Variants in NOL10 observed in about 807,000 individuals in gnomAD.
NOL10 encodes nucleolar protein 10.
A neutral mutation model predicts 103.5 loss-of-function variants in NOL10; 58 were observed. The ratio of observed to expected loss-of-function variants is 0.56; its 90% CI spans 0.45 to 0.70. The LOEUF (loss-of-function observed/expected upper bound fraction) is 0.70, where lower values mean the gene tolerates loss of function less well. Ranked by LOEUF, NOL10 falls within the 30% of genes least tolerant of loss-of-function variation. The pLI, the probability that NOL10 is intolerant of heterozygous loss-of-function variation, is 0.00. For synonymous variants in NOL10, 287 were observed against 282.5 expected (o/e 1.02, Z -0.16); for missense variants, 763 against 807.3 (o/e 0.95, Z 0.67).
chr2:10,576,680 A>C (rs1674468526), intron 20 of NOL10, among the ~76,000 whole-genome samples: 1 of 152,192 alleles, frequency 6.6e-6, no homozygotes. Context: ...TGGAGACAGG[A>C]AGTAGATTAG....
At chr2:10,612,424 C>T (rs1445429140) in intron 13 of NOL10, among the ~76,000 whole-genome samples, 3 of 152,208 alleles carry the variant, frequency 2.0e-5, no homozygotes, top group African/African-American at 4.8e-5. Flanking sequence ...CATTATCTAA[C>T]GTACTATTAA....
chr2:10,657,694 G>A (rs1195931454), intron 11 of NOL10, 48 bp downstream of exon 11: 1 of 1,486,920 alleles, frequency 6.7e-7, no homozygotes. Flanking sequence ...GGATCATTCG[G>A]AACACCTGCA....
chr2:10,603,810 C>T (rs1428595042), intron 14 of NOL10, among the ~76,000 whole-genome samples: 1 of 152,148 alleles, frequency 6.6e-6, no homozygotes, highest in East Asian at 1.9e-4. Flanking sequence ...CTGGTGGTCA[C>T]ATAAGAATGC....
intron 13 of NOL10, among the ~76,000 whole-genome samples, chr2:10,629,222 G>C (rs1187963770): frequency 6.6e-6 from 1 of 150,478 alleles, no homozygotes; most frequent in Admixed American, 6.7e-5. Flanking sequence ...AATCCAATCA[G>C]TAGCCACTAA....
At chr2:10,611,838 C>G (rs1472648094) in intron 13 of NOL10, among the ~76,000 whole-genome samples, 1 of 152,162 alleles carries the variant, frequency 6.6e-6, no homozygotes, top group Non-Finnish European at 1.5e-5. Flanking sequence ...TCGCTTGAAC[C>G]CGGGAGGTGG....
At chr2:10,584,949 A>G (rs1179591357) in intron 19 of NOL10, among the ~76,000 whole-genome samples, 1 of 152,172 alleles carries the variant, frequency 6.6e-6, no homozygotes, top group Admixed American at 6.5e-5. Context: ...GAAGAATGTT[A>G]GAGAGATTAG....
chr2:10,680,368 A>AGAGGGAGAGGGAGAG, intron 3 of NOL10, among the ~76,000 whole-genome samples: 1 of 110,632 alleles, frequency 9.0e-6, no homozygotes, highest in Non-Finnish European at 1.9e-5. Flanking sequence ...GAGAGGGAGA[A>AGAGGGAGAGGGAGAG]GAGGGAGAGG....
At chr2:10,640,695 C>T (rs1262681920) in intron 13 of NOL10, among the ~76,000 whole-genome samples, 1 of 152,156 alleles carries the variant, frequency 6.6e-6, no homozygotes, top group Non-Finnish European at 1.5e-5. Flanking sequence ...GTCACCATTA[C>T]TTGGAACAAA....
chr2:10,595,946 T>A (rs1341127117), intron 17 of NOL10, among the ~76,000 whole-genome samples: 1 of 152,144 alleles, frequency 6.6e-6, no homozygotes, highest in African/African-American at 2.4e-5. Flanking sequence ...TTTTTAAAAC[T>A]ATGCATGTAT....
chr2:10,591,525 T>A (rs1364977831), intron 17 of NOL10, among the ~76,000 whole-genome samples: 1 of 151,986 alleles, frequency 6.6e-6, no homozygotes, highest in Non-Finnish European at 1.5e-5. Context: ...TTTGATTGGG[T>A]CATACTGTAA....
In NOL10 at chr2:10,612,464, T is replaced by C. The variant is rs563740583; in HGVS notation, c.1027-5153A>G. On this transcript the variant is annotated intron_variant, in intron 13 of 20. Transcript: ENST00000381685. ...ACAAATAAGAAAATAATTGATAACA[T>C]AGAACAGCCATTAAATTTGAAATTA... is the stretch of plus-strand genomic sequence containing the variant. Among the ~76,000 whole-genome samples, 57 of 152,238 alleles carry C rather than the reference T, an allele frequency of 3.7e-4. 1 individual carries two copies. Among genetic ancestry groups the C allele is most frequent in the African/African-American group, 1.3e-3 (53 of 41,552 alleles).
rs935734180 is a variant in NOL10, at chr2:10,631,277, T to C, written c.1026+13043A>G. On this transcript the variant is annotated intron_variant, in intron 13 of 20. Transcript: ENST00000381685. ...TCAGCTGGACCAATCGTGGTCCTGATTCAAACCCAAATCTTAGGGAATGAC... is the reference window on the plus strand; with the variant it reads ...TCAGCTGGACCAATCGTGGTCCTGACTCAAACCCAAATCTTAGGGAATGAC... Among the ~76,000 whole-genome samples, 8 of 152,324 alleles carry C rather than the reference T, an allele frequency of 5.3e-5. No homozygotes were observed. In the South Asian group the frequency reaches 1.7e-3, roughly 32 times the overall value.
At chr2:10,666,615 C>A (rs764420110) in intron 8 of NOL10, among the ~76,000 whole-genome samples, 13 of 151,956 alleles carry the variant, frequency 8.6e-5, no homozygotes, top group African/African-American at 1.2e-4. Context: ...TGAGCCACTG[C>A]GCCTGGCCTG....
At chr2:10,590,899 G>A (rs1394319461) in intron 17 of NOL10, 1 of 152,194 alleles carries the variant, frequency 6.6e-6, no homozygotes, top group Non-Finnish European at 1.5e-5. Context: ...GTCAATCAGA[G>A]TAAACAGCCC....
intron 13 of NOL10, among the ~76,000 whole-genome samples, chr2:10,619,526 A>C (rs551938589): frequency 2.2e-3 from 335 of 152,332 alleles, no homozygotes; most frequent in African/African-American, 7.7e-3. Context: ...TATCTGTTAA[A>C]GTTCTCTTTT....
intron 12 of NOL10, among the ~76,000 whole-genome samples, chr2:10,645,703 T>C (rs904963439): frequency 6.6e-6 from 1 of 151,984 alleles, no homozygotes; most frequent in East Asian, 1.9e-4. Context: ...GCTAATTTTT[T>C]GTATTTTTAG....
At chr2:10,654,370 A>G (rs1679680880) in intron 12 of NOL10, 111 bp downstream of exon 12, 1 of 723,840 alleles carries the variant, frequency 1.4e-6, no homozygotes, top group Non-Finnish European at 2.3e-6. Flanking sequence ...TAAGAAATAA[A>G]ATGGGTTTAA....
intron 13 of NOL10, among the ~76,000 whole-genome samples, chr2:10,637,482 C>A (rs879670732): frequency 2.0e-5 from 3 of 152,138 alleles, no homozygotes; most frequent in Non-Finnish European, 4.4e-5. Flanking sequence ...AGATGTCTGC[C>A]CTAGCCCAGT....
intron 13 of NOL10, 50 bp downstream of exon 13, chr2:10,644,270 G>C (rs1187126231): frequency 1.6e-6 from 2 of 1,279,828 alleles, no homozygotes; most frequent in Non-Finnish European, 2.1e-6. Flanking sequence ...ATAATAAAAA[G>C]TATCTTTGCT....
Sources: allele counts gnomAD v4.1 joint callset (sites outside exome capture counted in the v4.1 genomes callset), GRCh38; gene constraint gnomAD v4.1.1; transcripts MANE v1.5; gene names NCBI Gene and HGNC (gene_info 2026-07-23, HGNC 2026-07-21).